PCSK5: variants seen among roughly 807,000 people sequenced by gnomAD.
PCSK5 encodes the protein prohormone convertase 5.
Under a neutral mutation model 233.2 loss-of-function variants are expected in PCSK5, and 129 were observed. The ratio of observed to expected loss-of-function variants is 0.55; its 90% CI spans 0.48 to 0.64. The LOEUF is 0.64. Among genes scored for constraint, PCSK5 ranks in the 30% least tolerant of loss-of-function variants. The pLI, the probability that PCSK5 is intolerant of heterozygous loss-of-function variation, is 0.00. For synonymous variants in PCSK5, 825 were observed against 879.2 expected (o/e 0.94, Z 1.09); for missense variants, 2,076 against 2,430.1 (o/e 0.85, Z 3.06).
chr9:76,232,295 A>G (rs1313467497), intron 21 of PCSK5, among the ~76,000 whole-genome samples: 1 of 152,222 alleles, frequency 6.6e-6, no homozygotes, highest in Non-Finnish European at 1.5e-5. Flanking sequence ...CAGATGTCCC[A>G]GGCCTGGATG....
rs139720992 is a variant in PCSK5, at chr9:76,194,902, T to C, written c.2626+5156T>C. On this transcript the variant is annotated intron_variant, in intron 20 of 37. Transcript: ENST00000674117. ...CTGGAGTCACAGCTGAGGAGAGGAATACTATCAACATGGACTATCCTGGGA... is the reference window on the plus strand; with the variant it reads ...CTGGAGTCACAGCTGAGGAGAGGAACACTATCAACATGGACTATCCTGGGA... 877 of 285,230 alleles carry C rather than the reference T, an allele frequency of 3.1e-3. 8 individuals are homozygous for C. Among genetic ancestry groups the C allele is most frequent in the African/African-American group, 0.019 (813 of 43,748 alleles). The allele number at this position is 285,230 out of a possible 1,614,324, so 17.7% of individuals were successfully genotyped here.
At chr9:76,281,811 G>A (rs1046149639) in intron 24 of PCSK5, among the ~76,000 whole-genome samples, 1 of 151,950 alleles carries the variant, frequency 6.6e-6, no homozygotes, top group African/African-American at 2.4e-5. Context: ...ACCACACTAG[G>A]CTAATTTTCA....
At chr9:76,123,368 A>T (rs1189642813) in intron 9 of PCSK5, among the ~76,000 whole-genome samples, 5 of 152,258 alleles carry the variant, frequency 3.3e-5, no homozygotes, top group Admixed American at 3.3e-4. Flanking sequence ...TTTAATTTTT[A>T]GTTTTCATAT....
intron 2 of PCSK5, among the ~76,000 whole-genome samples, chr9:75,957,577 C>T (rs1354044422): frequency 6.6e-6 from 1 of 152,120 alleles, no homozygotes; most frequent in African/African-American, 2.4e-5. Context: ...TGTGGAGGAG[C>T]ACAATCCTGC....
chr9:76,063,646 G>T (rs1830123637), intron 5 of PCSK5, among the ~76,000 whole-genome samples: 1 of 22,992 alleles, frequency 4.3e-5, no homozygotes, highest in Admixed American at 4.3e-4. Flanking sequence ...AGGGTTGGGG[G>T]TAAGGTCACA....
intron 33 of PCSK5, among the ~76,000 whole-genome samples, chr9:76,329,726 G>A (rs776340037): frequency 7.9e-5 from 12 of 151,876 alleles, no homozygotes; most frequent in South Asian, 2.1e-4. Flanking sequence ...CCAGCTACTC[G>A]GGAGGCTGAG....
At chr9:76,252,660 G>C (rs1826849752) in intron 24 of PCSK5, among the ~76,000 whole-genome samples, 1 of 152,174 alleles carries the variant, frequency 6.6e-6, no homozygotes, top group South Asian at 2.1e-4. Flanking sequence ...TGCTCTGTGG[G>C]AAAGTGGGTT....
At chr9:76,243,483 C>T (rs1305464212) in intron 24 of PCSK5, among the ~76,000 whole-genome samples, 1 of 152,036 alleles carries the variant, frequency 6.6e-6, no homozygotes, top group Non-Finnish European at 1.5e-5. Flanking sequence ...TCTAAAATGC[C>T]CTTAATTTAT....
At chr9:76,177,304 A>G (rs940367473) in intron 14 of PCSK5, among the ~76,000 whole-genome samples, 8 of 152,202 alleles carry the variant, frequency 5.3e-5, no homozygotes, top group African/African-American at 1.9e-4. Context: ...AAAAAAAAGA[A>G]AAGAAAAGAA....
chr9:75,983,572 A>T (rs1219315793), intron 2 of PCSK5, among the ~76,000 whole-genome samples: 1 of 152,208 alleles, frequency 6.6e-6, no homozygotes, highest in Admixed American at 6.5e-5. Context: ...TAAATTAACG[A>T]AGGATAGACT....
chr9:76,314,790 C>T (rs541989127), intron 30 of PCSK5, among the ~76,000 whole-genome samples: 1 of 151,838 alleles, frequency 6.6e-6, no homozygotes, highest in South Asian at 2.1e-4. Context: ...GCGCATGCCA[C>T]CACACCTGGC....
intron 7 of PCSK5, among the ~76,000 whole-genome samples, chr9:76,094,963 C>A (rs1237397817): frequency 6.6e-6 from 1 of 152,170 alleles, no homozygotes; most frequent in Non-Finnish European, 1.5e-5. Context: ...AAGAATGTGA[C>A]ACTGTCTTGT....
At chr9:76,227,468 A>G in intron 20 of PCSK5, 35 bp from the exon 21 acceptor site, 1 of 1,471,262 alleles carries the variant, frequency 6.8e-7, no homozygotes. Flanking sequence ...CTTGCCATGT[A>G]GAAATGAAAT....
At chr9:76,024,830 T>C (rs1310568686) in intron 4 of PCSK5, among the ~76,000 whole-genome samples, 1 of 152,228 alleles carries the variant, frequency 6.6e-6, no homozygotes, top group African/African-American at 2.4e-5. Context: ...GTCAAAGACT[T>C]GGGTTCCCTC....
chr9:76,296,212 A>G (rs1828432605), intron 26 of PCSK5, among the ~76,000 whole-genome samples: 1 of 151,992 alleles, frequency 6.6e-6, no homozygotes, highest in East Asian at 1.9e-4. Context: ...TGATCCACCC[A>G]CCTCAGCCTC....
At chr9:76,114,374 T>G (rs770449602) in intron 9 of PCSK5, among the ~76,000 whole-genome samples, 17 of 152,272 alleles carry the variant, frequency 1.1e-4, no homozygotes, top group Middle Eastern at 6.8e-3. Context: ...TATGTCTACA[T>G]ATACACAGAC....
rs760248260 is a variant in PCSK5 at position 76,189,711 on chromosome 9, T to C, written c.2591T>C (p.Leu864Ser). The C allele has an allele frequency of 1.2e-6, 2 of 1,610,770 alleles. No homozygotes were observed. Among genetic ancestry groups the C allele is most frequent in the Non-Finnish European group, 1.7e-6 (2 of 1,177,112 alleles). Residue 864 changes from leucine to serine, a missense_variant, in exon 20 of 38, where the codon TTA (leucine) becomes TCA (serine). Leu to Ser is a moderately radical substitution (Grantham distance 145, BLOSUM62 -2). Around this residue, in one of 6 missense-constraint regions of PCSK5, gnomAD observed 1,510 missense variants for 1,538.1 expected, o/e 0.98. Transcript: ENST00000674117. ...TSCPSGYLLD[L>S]GMCQMGAICK... ...TGCCCTAGTGGGTATCTCTTAGACT[T>C]AGGAATGTGTCAAATGGGAGCCATT...
intron 2 of PCSK5, among the ~76,000 whole-genome samples, chr9:75,983,500 G>A (rs1400733118): frequency 6.6e-6 from 1 of 152,214 alleles, no homozygotes; most frequent in Non-Finnish European, 1.5e-5. Context: ...AAGGTCCAAA[G>A]GGAGAGAGTA....
chr9:76,005,350 C>G (rs551308294), intron 3 of PCSK5, among the ~76,000 whole-genome samples: 3 of 152,044 alleles, frequency 2.0e-5, no homozygotes, highest in Non-Finnish European at 2.9e-5. Context: ...TTTTAGAGCT[C>G]TCGCTCATCT....
Sources: gnomAD v4.1 joint callset for allele counts (sites outside exome capture counted in the v4.1 genomes callset) on GRCh38, gnomAD v4.1.1 for gene constraint, gnomAD v4.1.1 regional missense constraint, MANE v1.5 for transcripts, NCBI Gene and HGNC (gene_info 2026-07-23, HGNC 2026-07-21) for gene names.